Variants in PCDH15 observed in about 807,000 individuals in gnomAD.
PCDH15 encodes protocadherin related 15.
In PCDH15, 129 loss-of-function variants were observed where a neutral mutation model predicts 178.5. The observed-to-expected ratio is 0.72, with a 90% CI of 0.63 to 0.84. The LOEUF (loss-of-function observed/expected upper bound fraction) is 0.84. Ranked by LOEUF, PCDH15 falls within the 40% of genes least tolerant of loss-of-function variation. The probability of loss-of-function intolerance (pLI) is 0.00; values close to 1 mark genes in which losing one functional copy is unlikely to be tolerated. For missense variants in PCDH15, 2,230 were observed against 2,099.9 expected, an observed-to-expected ratio of 1.06 and a Z score of -1.21; for synonymous variants, 800 against 732.0, an observed-to-expected ratio of 1.09 and a Z score of -1.50.
intron 20 of PCDH15, among the ~76,000 whole-genome samples, chr10:54,008,005 GATA>G (rs2092442136): frequency 6.6e-6 from 1 of 152,082 alleles, no homozygotes; most frequent in Non-Finnish European, 1.5e-5. Flanking sequence ...TTAAAAAAAG[GATA>G]ATAATATTTT....
chr10:54,934,491 C>G (rs1837856545), intron 2 of PCDH15, among the ~76,000 whole-genome samples: 1 of 152,182 alleles, frequency 6.6e-6, no homozygotes, highest in East Asian at 1.9e-4. Context: ...TCCATCATCA[C>G]TGGCCATCAG....
intron 5 of PCDH15, among the ~76,000 whole-genome samples, chr10:54,368,745 G>A (rs1226556372): frequency 6.6e-6 from 1 of 151,912 alleles, no homozygotes; most frequent in African/African-American, 2.4e-5. Flanking sequence ...TTTTCTTCCA[G>A]TATTTAATTA....
intron 1 of PCDH15, among the ~76,000 whole-genome samples, chr10:55,298,541 G>T (rs1216777363): frequency 6.6e-6 from 1 of 152,028 alleles, no homozygotes; most frequent in African/African-American, 2.4e-5. Context: ...AGAGAAACTA[G>T]TACTTGAATA....
chr10:54,976,553 G>C (rs1029585519), intron 2 of PCDH15, among the ~76,000 whole-genome samples: 1 of 152,138 alleles, frequency 6.6e-6, no homozygotes, highest in Non-Finnish European at 1.5e-5. Flanking sequence ...TCTGGGTGGT[G>C]CCACAGAACC....
At chr10:53,870,993 T>C (rs886683044) in intron 26 of PCDH15, among the ~76,000 whole-genome samples, 2 of 152,064 alleles carry the variant, frequency 1.3e-5, no homozygotes, top group African/African-American at 4.8e-5. Context: ...TTTTGCATTA[T>C]GTTTTGGAGT....
At chr10:54,120,748 A>T (rs879047692) in intron 15 of PCDH15, among the ~76,000 whole-genome samples, 6 of 152,206 alleles carry the variant, frequency 3.9e-5, no homozygotes, top group Admixed American at 3.9e-4. Flanking sequence ...AGATTTAACT[A>T]TCTAGAACAT....
At chr10:55,540,050 G>A (rs1841723000) in intron 2 of PCDH15, among the ~76,000 whole-genome samples, 1 of 152,000 alleles carries the variant, frequency 6.6e-6, no homozygotes, top group East Asian at 1.9e-4. Context: ...AAACAATATC[G>A]TTTATTTTTT....
intron 21 of PCDH15, among the ~76,000 whole-genome samples, chr10:53,985,300 A>C (rs557952256): frequency 2.0e-5 from 3 of 152,276 alleles, no homozygotes; most frequent in South Asian, 4.1e-4. Context: ...CTATGTGTTA[A>C]TCAAATCCTG....
At chr10:53,915,365 A>G (rs1212271965) in intron 25 of PCDH15, among the ~76,000 whole-genome samples, 2 of 152,216 alleles carry the variant, frequency 1.3e-5, no homozygotes, top group Non-Finnish European at 2.9e-5. Flanking sequence ...TTCAGTGGCT[A>G]GGCAGAAAGA....
chr10:53,937,106 C>A (rs894987209), intron 25 of PCDH15, among the ~76,000 whole-genome samples: 3 of 152,100 alleles, frequency 2.0e-5, no homozygotes, highest in African/African-American at 7.2e-5. Context: ...TTCACCTCTA[C>A]ATGCATACTG....
chr10:55,163,686 G>C (rs146378618), intron 2 of PCDH15, among the ~76,000 whole-genome samples: 46 of 152,202 alleles, frequency 3.0e-4, no homozygotes, highest in Admixed American at 1.4e-3. Context: ...ATCCTCAGTA[G>C]TCATTATTCA....
intron 26 of PCDH15, among the ~76,000 whole-genome samples, chr10:53,878,326 G>A (rs4492712): frequency 1.4e-5 from 2 of 141,546 alleles, no homozygotes; most frequent in Non-Finnish European, 1.5e-5. Flanking sequence ...TATATATATA[G>A]TCTATATAGT....
chr10:55,061,857 T>C (rs1360012538), intron 2 of PCDH15, among the ~76,000 whole-genome samples: 1 of 152,056 alleles, frequency 6.6e-6, no homozygotes, highest in East Asian at 1.9e-4. Context: ...CCGACTCTAC[T>C]AAAAATACAA....
At chr10:54,981,180 T>C (rs1839223752) in intron 2 of PCDH15, among the ~76,000 whole-genome samples, 1 of 152,188 alleles carries the variant, frequency 6.6e-6, no homozygotes, top group Non-Finnish European at 1.5e-5. Flanking sequence ...CTTCTTTAGA[T>C]ACATTTCACC....
chr10:55,341,943 G>A lies in PCDH15; in HGVS notation c.-155-175292C>T, dbSNP rs1171981222. Among the ~76,000 whole-genome samples, 6 of 147,238 alleles carry A rather than the reference G, an allele frequency of 4.1e-5. No homozygotes were observed. The East Asian group carries it at 6.1e-4, about 15-fold the overall frequency. On this transcript the variant is annotated intron_variant, in intron 2 of 5. Coordinates refer to the PCDH15 transcript ENST00000613346. Reference sequence around the variant, plus strand: ...ATCACAGGCAGGAGCCACCCTTCCCGGACACAACTTTTTTTTTAATTGATC... The same window carrying A: ...ATCACAGGCAGGAGCCACCCTTCCCAGACACAACTTTTTTTTTAATTGATC...
At chr10:54,210,622 G>A (rs1287623067) in intron 10 of PCDH15, among the ~76,000 whole-genome samples, 2 of 151,982 alleles carry the variant, frequency 1.3e-5, no homozygotes, top group East Asian at 1.9e-4. Flanking sequence ...GACAAGAAGA[G>A]GGAGGAATGA....
At chr10:54,230,983 C>A (rs893695262) in intron 9 of PCDH15, among the ~76,000 whole-genome samples, 4 of 152,082 alleles carry the variant, frequency 2.6e-5, no homozygotes, top group African/African-American at 9.7e-5. Context: ...AATGACAGTG[C>A]TGCAACAGAG....
chr10:55,176,284 CT>C (rs1839483405), intron 1 of PCDH15, among the ~76,000 whole-genome samples: 2 of 152,086 alleles, frequency 1.3e-5, no homozygotes, highest in Non-Finnish European at 2.9e-5. Flanking sequence ...TTACTCCTGC[CT>C]TTTAAATCAT....
chr10:54,873,247 C>T (rs184454506), intron 3 of PCDH15, among the ~76,000 whole-genome samples: 1 of 151,818 alleles, frequency 6.6e-6, no homozygotes. Flanking sequence ...GGTATATTAT[C>T]CCTAACAAGG....
Sources: allele counts gnomAD v4.1 joint callset (sites outside exome capture counted in the v4.1 genomes callset), GRCh38; gene constraint gnomAD v4.1.1; transcripts MANE v1.5; gene names NCBI Gene and HGNC (gene_info 2026-07-23, HGNC 2026-07-21).